Variants in PCDH15 observed in about 807,000 individuals in gnomAD.
PCDH15 encodes protocadherin related 15, also known as protocadherin-15.
In PCDH15, 129 loss-of-function variants were observed where a neutral mutation model predicts 178.5. The ratio of observed to expected loss-of-function variants is 0.72; its 90% confidence interval spans 0.63 to 0.84. The LOEUF (loss-of-function observed/expected upper bound fraction) is 0.84, where lower values mean the gene tolerates loss of function less well. Among genes scored for constraint, PCDH15 ranks in the 40% least tolerant of loss-of-function variants. The pLI, the probability that PCDH15 is intolerant of heterozygous loss-of-function variation, is 0.00. For synonymous variants in PCDH15, 800 were observed against 732.0 expected, an observed-to-expected ratio of 1.09 and a Z score of -1.50; for missense variants, 2,230 against 2,099.9, an observed-to-expected ratio of 1.06 and a Z score of -1.21.
At chr10:53,941,044 A>G in intron 23 of PCDH15, 69 bp from the exon 24 acceptor site, 1 of 1,082,700 alleles carries the variant, frequency 9.2e-7, no homozygotes, top group Non-Finnish European at 1.4e-6. Flanking sequence ...ACGTTCACAG[A>G]AAAATTGAGA....
At chr10:55,466,264 T>G (rs1428960910) in intron 2 of PCDH15, among the ~76,000 whole-genome samples, 1 of 152,138 alleles carries the variant, frequency 6.6e-6, no homozygotes, top group Non-Finnish European at 1.5e-5. Context: ...TTAACATAAA[T>G]AAAACCTATC....
intron 17 of PCDH15, among the ~76,000 whole-genome samples, chr10:54,074,103 T>C (rs2094296679): frequency 6.6e-6 from 1 of 152,154 alleles, no homozygotes; most frequent in African/African-American, 2.4e-5. Context: ...ACAATAAAAA[T>C]GGCAAAGCAG....
intron 2 of PCDH15, among the ~76,000 whole-genome samples, chr10:54,902,843 G>C (rs1454471): frequency 6.6e-6 from 1 of 151,812 alleles, no homozygotes; most frequent in Non-Finnish European, 1.5e-5. Flanking sequence ...GAGGGAAAGA[G>C]CATGGGCTTT....
intron 26 of PCDH15, among the ~76,000 whole-genome samples, chr10:53,900,801 C>T (rs1038368242): frequency 1.2e-4 from 18 of 152,174 alleles, no homozygotes; most frequent in African/African-American, 3.9e-4. Context: ...TGTCCCAATT[C>T]CTCTGAAGTA....
At chr10:55,518,836 C>G (rs1384728482) in intron 2 of PCDH15, among the ~76,000 whole-genome samples, 1 of 151,782 alleles carries the variant, frequency 6.6e-6, no homozygotes, top group Non-Finnish European at 1.5e-5. Context: ...TGGCTCATGC[C>G]TATAATTTAG....
chr10:55,558,904 C>T (rs550897728), intron 2 of PCDH15, among the ~76,000 whole-genome samples: 112 of 151,958 alleles, frequency 7.4e-4, no homozygotes, highest in African/African-American at 2.5e-3. Context: ...TGTACAGATA[C>T]GTGAAAAAAT....
intron 2 of PCDH15, among the ~76,000 whole-genome samples, chr10:54,977,184 C>T (rs1839093643): frequency 6.6e-6 from 1 of 152,072 alleles, no homozygotes; most frequent in South Asian, 2.1e-4. Context: ...TTCCATCTTG[C>T]ATAGGGTCTG....
At position 54,637,647 on chromosome 10, in the gene PCDH15, T is replaced by A. The variant is rs531143322; in HGVS notation, c.91+26525A>T. 9.2e-4 allele frequency among the ~76,000 whole-genome samples: 140 copies of A among 152,216 alleles called. 1 individual carries two copies. Among genetic ancestry groups the A allele is most frequent in the African/African-American group, 3.2e-3 (131 of 41,566 alleles). Reference sequence around the variant, plus strand: ...AGCTTTCCTGTATATTCCAAAATAATCTTTTCAGGTCAGCTGACTGGTGAA... The same window carrying A: ...AGCTTTCCTGTATATTCCAAAATAAACTTTTCAGGTCAGCTGACTGGTGAA... On this transcript the variant is annotated intron_variant, in intron 2 of 37. Transcript: ENST00000644397.
intron 10 of PCDH15, among the ~76,000 whole-genome samples, chr10:54,204,083 C>T (rs1317960461): frequency 2.6e-5 from 4 of 152,206 alleles, no homozygotes; most frequent in South Asian, 4.2e-4. Context: ...AGTGTATAAC[C>T]TTCAAATAGC....
At chr10:55,356,190 T>C (rs1429938314) in intron 2 of PCDH15, among the ~76,000 whole-genome samples, 2 of 150,922 alleles carry the variant, frequency 1.3e-5, no homozygotes, top group Admixed American at 6.6e-5. Context: ...CAACACCTAG[T>C]ATTATAAAAA....
intron 3 of PCDH15, among the ~76,000 whole-genome samples, chr10:54,483,745 A>G (rs1354182240): frequency 6.6e-6 from 1 of 151,770 alleles, no homozygotes; most frequent in Admixed American, 6.6e-5. Context: ...GTACCCTTTT[A>G]GTTCCAAAAA....
intron 8 of PCDH15, among the ~76,000 whole-genome samples, chr10:54,268,960 T>C (rs1453618338): frequency 3.3e-5 from 5 of 151,806 alleles, no homozygotes; most frequent in African/African-American, 1.2e-4. Flanking sequence ...CTTCCTTGAA[T>C]ACAATATAGA....
chr10:55,515,366 T>C (rs1372192921), intron 2 of PCDH15, among the ~76,000 whole-genome samples: 1 of 152,072 alleles, frequency 6.6e-6, no homozygotes, highest in Non-Finnish European at 1.5e-5. Context: ...ATTTCAACTA[T>C]AAATCTTGGA....
intron 1 of PCDH15, among the ~76,000 whole-genome samples, chr10:54,697,505 T>C (rs1488024188): frequency 1.5e-5 from 2 of 137,566 alleles, no homozygotes; most frequent in Non-Finnish European, 3.1e-5. Context: ...CTATGCTTAT[T>C]GAAATGTGTG....
At chr10:55,450,954 A>AATATATATATATATATATAT in intron 2 of PCDH15, among the ~76,000 whole-genome samples, 1 of 41,212 alleles carries the variant, frequency 2.4e-5, no homozygotes, top group African/African-American at 1.5e-4. Context: ...AGGGGTAAGA[A>AATATATATATATATATATAT]CTATATATAT....
At chr10:54,787,156 T>C (rs1950954850) in intron 1 of PCDH15, among the ~76,000 whole-genome samples, 1 of 151,748 alleles carries the variant, frequency 6.6e-6, no homozygotes, top group Non-Finnish European at 1.5e-5. Flanking sequence ...TCATTAATTA[T>C]CTATAAAAAT....
chr10:54,909,009 C>T lies in PCDH15; in HGVS notation c.-79-11509G>A. On this transcript the variant is annotated intron_variant, in intron 2 of 5. Coordinates refer to the PCDH15 transcript ENST00000458638. ...ACTTCTCTCTGCTAGGCAGGTCATC[C>T]CGACGAGTGTCCAGCTTTCAGCAGA... Among the ~76,000 whole-genome samples the T allele has an allele frequency of 1.3e-5, 2 of 152,134 alleles. 1 individual carries two copies. Among genetic ancestry groups the T allele is most frequent in the Non-Finnish European group, 2.9e-5 (2 of 68,026 alleles).
intron 1 of PCDH15, among the ~76,000 whole-genome samples, chr10:55,253,156 G>A (rs1168448520): frequency 6.6e-6 from 1 of 151,772 alleles, no homozygotes; most frequent in Admixed American, 6.6e-5. Flanking sequence ...ATTCAACTGA[G>A]GAGAAAGACA....
intron 9 of PCDH15, among the ~76,000 whole-genome samples, chr10:54,223,088 G>A (rs2053030164): frequency 2.0e-5 from 3 of 152,086 alleles, no homozygotes; most frequent in South Asian, 2.1e-4. Flanking sequence ...GAGGTGGGGG[G>A]ATCACCTGAG....
Sources: gnomAD v4.1 joint callset for allele counts (sites outside exome capture counted in the v4.1 genomes callset) on GRCh38, gnomAD v4.1.1 for gene constraint, MANE v1.5 for transcripts, NCBI Gene and HGNC (gene_info 2026-07-23, HGNC 2026-07-21) for gene names.